The following FA2H variants were observed in gnomAD, a reference collection of about 807,000 sequenced individuals.
FA2H encodes fatty acid alpha-hydroxylase.
FA2H carries 22 observed loss-of-function variants against 44.9 expected under a neutral mutation model. The ratio of observed to expected loss-of-function variants is 0.49; its 90% CI spans 0.35 to 0.70. FA2H has a LOEUF of 0.70. FA2H is among the 30% of genes least tolerant of loss of function. FA2H has a pLI of 0.01. For missense variants in FA2H, 501 were observed against 504.9 expected, an observed-to-expected ratio of 0.99 and a Z score of 0.07; for synonymous variants, 243 against 213.2, an observed-to-expected ratio of 1.14 and a Z score of -1.22.
chr16:74,761,925 G>A (rs1393902416), intron 1 of FA2H, among the ~76,000 whole-genome samples: 2 of 152,186 alleles, frequency 1.3e-5, no homozygotes, highest in Non-Finnish European at 1.5e-5. Context: ...AAAAGAGATA[G>A]ACCTGTTAAA....
At chr16:74,731,396 C>T (rs1392524119) in intron 2 of FA2H, among the ~76,000 whole-genome samples, 1 of 151,870 alleles carries the variant, frequency 6.6e-6, no homozygotes, top group African/African-American at 2.4e-5. Flanking sequence ...TACCCGCTTC[C>T]ACCTCCCAAA....
intron 4 of FA2H, chr16:74,725,999 A>G (rs1961946050): frequency 1.9e-6 from 1 of 529,604 alleles, no homozygotes; most frequent in South Asian, 2.1e-5. Flanking sequence ...CGATGATTCC[A>G]TTTAGTTTCT....
chr16:74,736,008 A>C (rs1962172354), intron 2 of FA2H, among the ~76,000 whole-genome samples: 1 of 152,134 alleles, frequency 6.6e-6, no homozygotes, highest in Admixed American at 6.5e-5. Context: ...GATAGAGGGA[A>C]TAGCTTTCTG....
rs535059482 is a variant in FA2H at position 74,720,316 on chromosome 16, C to T, written c.614-1156G>A. ...GTTCAAGTGATTCTCCTGCCTCAGT[C>T]TCCTGAGTAGCCGGGATTACAGGTG... On this transcript the variant is annotated intron_variant, in intron 4 of 6. Coordinates refer to ENST00000219368, the MANE Select transcript of FA2H (RefSeq NM_024306.5). Among the ~76,000 whole-genome samples the T allele has an allele frequency of 1.5e-4, 22 of 148,566 alleles. No homozygotes were observed. In the South Asian group the frequency reaches 4.5e-3, roughly 31 times the overall value.
chr16:74,726,030 T>C lies in FA2H; in HGVS notation c.613+195A>G, dbSNP rs1180194006. 5 of 579,220 alleles carry C rather than the reference T, an allele frequency of 8.6e-6. No homozygotes were observed. In the African/African-American group the frequency reaches 9.3e-5, roughly 11 times the overall value. 35.9% of individuals were successfully genotyped at this position (579,220 alleles called of 1,614,324 possible). On this transcript the variant is annotated intron_variant, in intron 4 of 6. Transcript: ENST00000219368. ...TTTCTGCTGATGTGTTGTTGGGTTT[T>C]GTATCCATTTGGGGGGTAGATGGGA...
At chr16:74,774,283 G>A (rs1203880171) in intron 1 of FA2H, among the ~76,000 whole-genome samples, 2 of 152,004 alleles carry the variant, frequency 1.3e-5, no homozygotes, top group African/African-American at 2.4e-5. Flanking sequence ...TGGAAAGGAA[G>A]AGCAAGTTCC....
intron 1 of FA2H, among the ~76,000 whole-genome samples, chr16:74,746,267 T>G (rs988851327): frequency 2.3e-4 from 35 of 152,110 alleles, no homozygotes; most frequent in African/African-American, 8.2e-4. Flanking sequence ...TTTCTCTTTT[T>G]CTTTTCTTTT....
chr16:74,760,239 C>T (rs558225308), intron 1 of FA2H, among the ~76,000 whole-genome samples: 11 of 152,296 alleles, frequency 7.2e-5, no homozygotes, highest in South Asian at 6.2e-4. Flanking sequence ...TCCAGGACAC[C>T]AGGCCCCCGA....
rs757972119 is a variant in FA2H, at chr16:74,718,980, C to T, written c.786+8G>A. 1 of 1,613,358 alleles carries T rather than the reference C, an allele frequency of 6.2e-7. No homozygotes were observed. The highest frequency in any genetic ancestry group is 8.5e-7 in the Non-Finnish European group (1 of 1,180,026). ...GCTAGGTCCGGGCTGGGACCCCGCC[C>T]CGCTCACCTTGTGGTGCTGGCCGTG... is the stretch of plus-strand genomic sequence containing the variant. On this transcript the variant is annotated splice_region_variant and intron_variant, in intron 5 of 6. Coordinates refer to ENST00000219368, the MANE Select transcript of FA2H (RefSeq NM_024306.5).
At position 74,719,171 on chromosome 16, in the gene FA2H, G is replaced by T. The variant is rs183814366; in HGVS notation, c.614-11C>A. 5.0e-6 allele frequency: 8 copies of T among 1,611,676 alleles called. No individual in the cohort carries two copies. In the Admixed American group the frequency reaches 5.0e-5, roughly 10 times the overall value. On this transcript the variant is annotated splice_polypyrimidine_tract_variant and intron_variant, in intron 4 of 6. Transcript: ENST00000219368. ...CTGCCACCGTGTACTCTGCAGGGTGGCAGGGAGAGCGAGGTGAGGACCGGT... is the reference window on the plus strand; with the variant it reads ...CTGCCACCGTGTACTCTGCAGGGTGTCAGGGAGAGCGAGGTGAGGACCGGT...
chr16:74,749,038 G>A (rs547024703), intron 1 of FA2H, among the ~76,000 whole-genome samples: 164 of 152,304 alleles, frequency 1.1e-3, no homozygotes, highest in Non-Finnish European at 1.9e-3. Flanking sequence ...GCCCCAGAGG[G>A]AGATGATGGT....
chr16:74,763,366 T>G (rs1962747031), intron 1 of FA2H, among the ~76,000 whole-genome samples: 1 of 152,140 alleles, frequency 6.6e-6, no homozygotes, highest in Non-Finnish European at 1.5e-5. Flanking sequence ...CAAGCAATTC[T>G]CGTATCTCAG....
At chr16:74,725,557 C>A (rs983194610) in intron 4 of FA2H, among the ~76,000 whole-genome samples, 3 of 152,272 alleles carry the variant, frequency 2.0e-5, no homozygotes, top group African/African-American at 7.2e-5. Flanking sequence ...ATCCTAGCCA[C>A]ACGCCTTTCA....
At chr16:74,765,009 G>A (rs559804148) in intron 1 of FA2H, among the ~76,000 whole-genome samples, 1 of 152,180 alleles carries the variant, frequency 6.6e-6, no homozygotes, top group Non-Finnish European at 1.5e-5. Flanking sequence ...TAGACTGTAA[G>A]AGCCTGCTAA....
Position 74,774,741 on chromosome 16 carries a change from C to T in FA2H, c.15G>A (p.Pro5=), listed in dbSNP as rs1409639099. 3.8e-6 allele frequency: 5 copies of T among 1,317,416 alleles called. No homozygotes were observed. The highest frequency in any genetic ancestry group is 4.8e-6 in the Non-Finnish European group (5 of 1,042,944). The allele number at this position is 1,317,416 out of a possible 1,614,324, so 81.6% of individuals were successfully genotyped here. The part of the protein sequence containing the change: MAPA[P]PPAASFSPSE... ...AGGGCGAGAAGGAGGCGGCGGGGGG[C>T]GGAGCGGGGGCCATGGCCGGAGACC... is the stretch of plus-strand genomic sequence containing the variant. The change falls in exon 1 of 7, where the codon CCG becomes CCA. Residue 5 remains proline, a synonymous_variant. Coordinates refer to ENST00000219368, the MANE Select transcript of FA2H (RefSeq NM_024306.5).
rs139072213 is a variant in FA2H, at chr16:74,769,628, C to T, written c.270+4858G>A. Among the ~76,000 whole-genome samples the T allele has an allele frequency of 2.6e-3, 401 of 152,230 alleles. 2 individuals are homozygous for T. The highest frequency in any genetic ancestry group is 8.9e-3 in the African/African-American group (368 of 41,540). On this transcript the variant is annotated intron_variant, in intron 1 of 6. Coordinates refer to ENST00000219368, the MANE Select transcript of FA2H (RefSeq NM_024306.5). ...ACCTGGGGTGGTGATTCATGGATGCCCAGAGTCTGGGAAACACAGTAATAT... is the reference window on the plus strand; with the variant it reads ...ACCTGGGGTGGTGATTCATGGATGCTCAGAGTCTGGGAAACACAGTAATAT...
chr16:74,772,386 T>C (rs117303400), intron 1 of FA2H, among the ~76,000 whole-genome samples: 1,955 of 152,314 alleles, frequency 0.013, 22 homozygotes, highest in Non-Finnish European at 0.02. Flanking sequence ...TGATACACCA[T>C]TAATTAAGCA....
intron 1 of FA2H, among the ~76,000 whole-genome samples, chr16:74,773,808 T>C (rs895359825): frequency 6.6e-6 from 1 of 152,242 alleles, no homozygotes; most frequent in Non-Finnish European, 1.5e-5. Context: ...CAGCACACAG[T>C]CTGGTCCAAA....
At chr16:74,736,207 G>A (rs1962176776) in intron 2 of FA2H, among the ~76,000 whole-genome samples, 1 of 152,186 alleles carries the variant, frequency 6.6e-6, no homozygotes, top group Non-Finnish European at 1.5e-5. Flanking sequence ...TGAGCAAGGA[G>A]GCAGGCAGAG....
Sources: allele counts gnomAD v4.1 joint callset (sites outside exome capture counted in the v4.1 genomes callset), GRCh38; gene constraint gnomAD v4.1.1; transcripts MANE v1.5; gene names NCBI Gene and HGNC (gene_info 2026-07-23, HGNC 2026-07-21).